The following COL5A1 variants were observed in gnomAD, a reference collection of about 807,000 sequenced individuals.
The protein encoded by COL5A1 is collagen type V alpha 1 chain.
A neutral mutation model predicts 263.7 loss-of-function variants in COL5A1; 16 were observed. That is an observed-to-expected ratio of 0.06 (90% CI 0.04 to 0.09). The LOEUF (loss-of-function observed/expected upper bound fraction) is 0.09. COL5A1 is among the 10% of genes least tolerant of loss of function. The probability of loss-of-function intolerance (pLI) is 1.00; values close to 1 mark genes in which losing one functional copy is unlikely to be tolerated. For synonymous variants in COL5A1, 1,012 were observed against 1,004.5 expected (o/e 1.01, Z -0.14); for missense variants, 2,036 against 2,540.5 (o/e 0.80, Z 4.27).
Position 134,802,646 on chromosome 9 carries a change from C to G in COL5A1, c.3007-242C>G, listed in dbSNP as rs539148648. ...CAGGCTTGGCCGTGCCTCCTGAAGG[C>G]GCCAGGTGGGGGAAGAGGGCCACGC... On this transcript the variant is annotated intron_variant, in intron 38 of 65. Coordinates refer to ENST00000371817, the MANE Select transcript of COL5A1 (RefSeq NM_000093.5). 3.8e-4 allele frequency among the ~76,000 whole-genome samples: 58 copies of G among 152,298 alleles called. 1 individual carries two copies. The highest frequency in any genetic ancestry group is 1.3e-3 in the African/African-American group (56 of 41,566).
In COL5A1 at chr9:134,682,211, G is replaced by A. The variant is rs1187209099; in HGVS notation, c.110-8701G>A. The stretch of plus-strand genomic sequence containing the variant: ...CTGTTCGGGCTGGGGGCTGGACTGG[G>A]TGTCCCCAGAGCCGACAGCACTATT... On this transcript the variant is annotated intron_variant, in intron 1 of 65. Transcript: ENST00000371817. This position sits in a 1 kb window ranked among gnomAD's most constrained non-coding sequence, Gnocchi z 5.1. 6.6e-6 allele frequency among the ~76,000 whole-genome samples: 1 copy of A among 152,204 alleles called. No homozygotes were observed. The highest frequency in any genetic ancestry group is 1.5e-5 in the Non-Finnish European group (1 of 68,036).
intron 37 of COL5A1, among the ~76,000 whole-genome samples, chr9:134,799,470 C>T (rs1838032719): frequency 6.6e-6 from 1 of 152,236 alleles, no homozygotes; most frequent in Non-Finnish European, 1.5e-5. Flanking sequence ...CAGATGCAAA[C>T]ATTTCCCACA....
intron 11 of COL5A1, among the ~76,000 whole-genome samples, chr9:134,750,057 C>T (rs1835717256): frequency 1.3e-5 from 2 of 152,314 alleles, no homozygotes; most frequent in South Asian, 4.1e-4. Context: ...TGCTCCATCC[C>T]GTCTTCCATC....
At chr9:134,776,558 C>T (rs777486446) in intron 27 of COL5A1, among the ~76,000 whole-genome samples, 18 of 152,150 alleles carry the variant, frequency 1.2e-4, no homozygotes, top group East Asian at 1.9e-4. Flanking sequence ...GTGGTGTCGG[C>T]GCCTCACGAG....
chr9:134,767,194 C>G, intron 23 of COL5A1, 116 bp from the exon 24 acceptor site: 1 of 1,427,360 alleles, frequency 7.0e-7, no homozygotes, highest in South Asian at 1.2e-5. Flanking sequence ...GAGACTAGGA[C>G]CTGGGTTGGT....
Position 134,805,191 on chromosome 9 carries a change from C to A in COL5A1, c.3235C>A (p.Pro1079Thr). ...TCTTGGACTGAAAGGCAATGAAGGG[C>A]CCCCTGGCCCACCAGGCCCTGCGGT... is the stretch of plus-strand genomic sequence containing the variant. ...GALGLKGNEG[P>T]PGPPGPAGSP... is the part of the protein sequence containing the mutation. The change falls in exon 41 of 66, where the codon CCC (proline) becomes ACC (threonine). Residue 1079 changes from proline (P) to threonine (T), a missense_variant. Transcript: ENST00000371817. 2 of 1,613,924 alleles carry A rather than the reference C, an allele frequency of 1.2e-6. No individual in the cohort carries two copies. Among genetic ancestry groups the A allele is most frequent in the Non-Finnish European group, 1.7e-6 (2 of 1,179,996 alleles).
chr9:134,670,159 T>C (rs938853660), intron 1 of COL5A1, among the ~76,000 whole-genome samples: 2 of 152,344 alleles, frequency 1.3e-5, no homozygotes, highest in East Asian at 1.9e-4. Flanking sequence ...GTTTGTATCA[T>C]AGTTTTCTTA....
intron 27 of COL5A1, 67 bp downstream of exon 27, chr9:134,774,979 G>A (rs1837001551): frequency 6.8e-7 from 1 of 1,474,312 alleles, no homozygotes. Context: ...GCCTTGGCGT[G>A]GCTGGTTTTA....
Position 134,752,594 on chromosome 9 carries a change from A to G in COL5A1, c.1668A>G (p.Ala556=), listed in dbSNP as rs750022273. 7.4e-6 allele frequency: 12 copies of G among 1,613,198 alleles called. No homozygotes were observed. The African/African-American group carries it at 1.1e-4, about 14-fold the overall frequency. ...TGTCTCACTTTCCTTTGCAGTTGGCACTGAGGGGACCAGCTGGCCCGATGG... is the reference window on the plus strand; with the variant it reads ...TGTCTCACTTTCCTTTGCAGTTGGCGCTGAGGGGACCAGCTGGCCCGATGG... ...AQAILQQARL[A]LRGPAGPMGL... Residue 556 remains alanine (A), a synonymous_variant, in exon 14 of 66, where the codon GCA becomes GCG. Transcript: ENST00000371817.
chr9:134,803,636 TAAAAACA>T (rs889394118), intron 39 of COL5A1, among the ~76,000 whole-genome samples: 22 of 150,232 alleles, frequency 1.5e-4, no homozygotes, highest in African/African-American at 3.7e-4. Context: ...ACTCTGTTTT[TAAAAACA>T]AAAAACAAAA....
chr9:134,714,840 GAT>G (rs1834205806), intron 4 of COL5A1, among the ~76,000 whole-genome samples: 1 of 124,478 alleles, frequency 8.0e-6, no homozygotes, highest in African/African-American at 3.0e-5. Context: ...TGGTGGTGGT[GAT>G]GCTGGTGAAG....
In COL5A1 at chr9:134,812,693, C is replaced by A; in HGVS notation, c.3833C>A (p.Pro1278His). ...PQGPPGGIGNPGAVGEKGEPG... is the reference protein window; with the variant it reads ...PQGPPGGIGNHGAVGEKGEPG... ...GGTCCCCCAGGTGGAATAGGAAACC[C>A]TGGTGCAGTGGGAGAGAAGGTGAGG... The change falls in exon 48 of 66, where the codon CCT becomes CAT. Residue 1278 changes from proline (P) to histidine (H), a missense_variant. Transcript: ENST00000371817. The A allele has an allele frequency of 6.3e-7, 1 of 1,583,380 alleles. No homozygotes were observed. Among genetic ancestry groups the A allele is most frequent in the Non-Finnish European group, 8.6e-7 (1 of 1,165,006 alleles).
At position 134,677,600 on chromosome 9, in the gene COL5A1, C is replaced by A. The variant is rs950547357; in HGVS notation, c.110-13312C>A. ...TGATGACATTCCTTCCCCCATCACTCCTTGGCACAGCCACCCTTCATCCAG... is the reference window on the plus strand; with the variant it reads ...TGATGACATTCCTTCCCCCATCACTACTTGGCACAGCCACCCTTCATCCAG... On this transcript the variant is annotated intron_variant, in intron 1 of 65. Transcript: ENST00000371817. The surrounding 1 kb of genome is among the most constrained non-coding windows in gnomAD (Gnocchi z 4.4). Among the ~76,000 whole-genome samples the A allele has an allele frequency of 6.6e-6, 1 of 152,200 alleles. No individual in the cohort carries two copies. The highest frequency in any genetic ancestry group is 1.5e-5 in the Non-Finnish European group (1 of 68,030).
intron 9 of COL5A1, among the ~76,000 whole-genome samples, chr9:134,736,910 T>A (rs1387720358): frequency 1.3e-5 from 2 of 152,166 alleles, no homozygotes; most frequent in South Asian, 2.1e-4. Context: ...TCTAGAATAA[T>A]CTTTCACTTG....
Position 134,818,840 on chromosome 9 carries a change from T to A in COL5A1, c.4339-8T>A. On this transcript the variant is annotated splice_polypyrimidine_tract_variant and splice_region_variant and intron_variant, in intron 55 of 65. Transcript: ENST00000371817. The surrounding 1 kb of genome is among the most constrained non-coding windows in gnomAD (Gnocchi z 6.0). Reference sequence around the variant, plus strand: ...CAGCAACTCATGCAGAGCGTCTCTGTGTTTCAGGGAGAACAAGGTCTCCCA... The same window carrying A: ...CAGCAACTCATGCAGAGCGTCTCTGAGTTTCAGGGAGAACAAGGTCTCCCA... 6.2e-7 allele frequency: 1 copy of A among 1,613,118 alleles called. No individual in the cohort carries two copies. Among genetic ancestry groups the A allele is most frequent in the South Asian group, 1.1e-5 (1 of 91,072 alleles).
chr9:134,737,393 A>AGG (rs1164865335), intron 9 of COL5A1, among the ~76,000 whole-genome samples: 1 of 152,144 alleles, frequency 6.6e-6, no homozygotes, highest in African/African-American at 2.4e-5. Flanking sequence ...CAGACACTTG[A>AGG]GGGGTGCAGG....
chr9:134,702,935 T>C (rs528980181), intron 4 of COL5A1, among the ~76,000 whole-genome samples: 2 of 152,368 alleles, frequency 1.3e-5, no homozygotes, highest in African/African-American at 2.4e-5. Flanking sequence ...GTCTCCCTTA[T>C]AGGAAGCCCC....
Position 134,768,397 on chromosome 9 carries a change from T to C in COL5A1, c.2233-13T>C. ...GGAGGGCATCTCCTCATGGAGTCTC[T>C]GGTTTGTTCTAGGGTCCCTTGGGGA... On this transcript the variant is annotated splice_polypyrimidine_tract_variant and intron_variant, in intron 24 of 65. Coordinates refer to ENST00000371817, the MANE Select transcript of COL5A1 (RefSeq NM_000093.5). 1 of 1,613,674 alleles carries C rather than the reference T, an allele frequency of 6.2e-7. No homozygotes were observed.
intron 1 of COL5A1, among the ~76,000 whole-genome samples, chr9:134,662,375 A>C (rs1379080799): frequency 1.3e-5 from 2 of 152,220 alleles, no homozygotes; most frequent in African/African-American, 4.8e-5. Context: ...TTTCCAGCCC[A>C]GTCCGGCTGC....
Sources: gnomAD v4.1 joint callset for allele counts (sites outside exome capture counted in the v4.1 genomes callset) on GRCh38, gnomAD v4.1.1 for gene constraint, Gnocchi (gnomAD v3.1) non-coding constraint, MANE v1.5 for transcripts, NCBI Gene and HGNC (gene_info 2026-07-23, HGNC 2026-07-21) for gene names.